The following RNF217 variants were observed in gnomAD, a reference collection of about 807,000 sequenced individuals.
The protein encoded by RNF217 is E3 ubiquitin-protein ligase RNF217.
A neutral mutation model predicts 57.8 loss-of-function variants in RNF217; 31 were observed. The observed-to-expected ratio is 0.54, with a 90% CI of 0.40 to 0.72. The LOEUF is 0.72. RNF217 is among the 30% of genes least tolerant of loss of function. The probability of loss-of-function intolerance (pLI) is 0.00; values close to 1 mark genes in which losing one functional copy is unlikely to be tolerated. For synonymous variants in RNF217, 313 were observed against 294.0 expected (o/e 1.06, Z -0.66); for missense variants, 696 against 708.3 (o/e 0.98, Z 0.20).
At chr6:125,023,433 AAGAGTGCTCCAGAGAAGAGG>A (rs1367400913) in intron 1 of RNF217, among the ~76,000 whole-genome samples, 1 of 152,184 alleles carries the variant, frequency 6.6e-6, no homozygotes, top group African/African-American at 2.4e-5. Flanking sequence ...GTGTTGTAAA[AAGAGTGCTCCAGAGAAGAGG>A]GCACCCTTGT....
chr6:125,077,791 G>T lies in RNF217; in HGVS notation c.1483+933G>T, dbSNP rs189710539. Among the ~76,000 whole-genome samples the T allele has an allele frequency of 9.9e-5, 15 of 152,028 alleles. No homozygotes were observed. In the South Asian group the frequency reaches 3.1e-3, roughly 32 times the overall value. ...ACTTTTTATCATCTTCCACATTTCC[G>T]TTTTCCTTCCTACTTTTGCCTAGTT... On this transcript the variant is annotated intron_variant, in intron 4 of 5. Coordinates refer to ENST00000521654, the MANE Select transcript of RNF217 (RefSeq NM_001286398.3).
intron 3 of RNF217, among the ~76,000 whole-genome samples, chr6:125,070,309 T>C (rs1788088360): frequency 6.6e-6 from 1 of 152,224 alleles, no homozygotes; most frequent in African/African-American, 2.4e-5. Context: ...TGTGCTGCTA[T>C]AAACATGTGC....
intron 4 of RNF217, among the ~76,000 whole-genome samples, chr6:125,077,092 A>G (rs887316381): frequency 6.6e-6 from 1 of 152,180 alleles, no homozygotes; most frequent in Non-Finnish European, 1.5e-5. Context: ...AATCACACGC[A>G]GAAATCTGAA....
intron 2 of RNF217, among the ~76,000 whole-genome samples, chr6:125,057,113 A>C (rs1044737534): frequency 6.6e-6 from 1 of 152,206 alleles, no homozygotes; most frequent in African/African-American, 2.4e-5. Context: ...AGGAGTATCC[A>C]TTATTTTAAA....
intron 1 of RNF217, among the ~76,000 whole-genome samples, chr6:125,041,789 G>A (rs1480929341): frequency 6.6e-6 from 1 of 151,790 alleles, no homozygotes; most frequent in East Asian, 1.9e-4. Context: ...GAAACCCCAT[G>A]TTTCCCTCTC....
At chr6:125,017,502 C>G (rs1785656836) in intron 1 of RNF217, among the ~76,000 whole-genome samples, 2 of 152,146 alleles carry the variant, frequency 1.3e-5, no homozygotes, top group Admixed American at 6.5e-5. Context: ...CTATACAAAA[C>G]AAGTGTATGA....
chr6:125,082,871 T>C lies in RNF217; in HGVS notation c.1563T>C (p.Phe521=). 6.2e-7 allele frequency: 1 copy of C among 1,601,584 alleles called. No homozygotes were observed. The highest frequency in any genetic ancestry group is 8.5e-7 in the Non-Finnish European group (1 of 1,174,900). The change falls in exon 6 of 6, where the codon TTT becomes TTC. Residue 521 remains phenylalanine (F), a synonymous_variant. Coordinates refer to ENST00000521654, the MANE Select transcript of RNF217 (RefSeq NM_001286398.3). ...ATTTTTTCTTATCCCTAGGTTTATTTGTATTTCCTATCTATTGCCTTTGTA... is the reference window on the plus strand; with the variant it reads ...ATTTTTTCTTATCCCTAGGTTTATTCGTATTTCCTATCTATTGCCTTTGTA... ...LGAIAVVIGL[F]VFPIYCLCKK... is the part of the protein sequence containing the mutation.
intron 4 of RNF217, among the ~76,000 whole-genome samples, chr6:125,079,525 A>G (rs1181657544): frequency 6.6e-6 from 1 of 152,076 alleles, no homozygotes; most frequent in Non-Finnish European, 1.5e-5. Flanking sequence ...CAGTGTTACT[A>G]GCTGTCAGAG....
chr6:125,075,569 A>G (rs1314050154), intron 3 of RNF217, among the ~76,000 whole-genome samples: 1 of 152,100 alleles, frequency 6.6e-6, no homozygotes, highest in Non-Finnish European at 1.5e-5. Flanking sequence ...GCATGAAGGA[A>G]ACTGCCCCCA....
chr6:125,012,228 C>G (rs184223008), intron 1 of RNF217, among the ~76,000 whole-genome samples: 1 of 152,100 alleles, frequency 6.6e-6, no homozygotes, highest in African/African-American at 2.4e-5. Flanking sequence ...ATATACAATA[C>G]TAAAAATGAA....
intron 1 of RNF217, among the ~76,000 whole-genome samples, chr6:125,021,268 CTTT>C (rs3080911): frequency 4.7e-4 from 61 of 130,290 alleles, no homozygotes; most frequent in East Asian, 1.3e-3. Flanking sequence ...ATGGAAAAAG[CTTT>C]TTTTTTTTTT....
chr6:125,012,896 G>C (rs2114365274), intron 1 of RNF217, among the ~76,000 whole-genome samples: 2 of 152,094 alleles, frequency 1.3e-5, no homozygotes, highest in South Asian at 4.2e-4. Flanking sequence ...TCCTTAAATT[G>C]AAGGTATATT....
chr6:124,994,912 T>G (rs1784691891), intron 1 of RNF217, among the ~76,000 whole-genome samples: 1 of 152,160 alleles, frequency 6.6e-6, no homozygotes, highest in Non-Finnish European at 1.5e-5. Flanking sequence ...AAAGTTGAGG[T>G]ATACTACGAG....
intron 2 of RNF217, among the ~76,000 whole-genome samples, chr6:125,045,707 G>A (rs1787071465): frequency 6.6e-6 from 1 of 152,026 alleles, no homozygotes; most frequent in Non-Finnish European, 1.5e-5. Context: ...GATCTTTAGA[G>A]TAATAATAGT....
chr6:125,068,261 G>A (rs1454586802), intron 3 of RNF217, among the ~76,000 whole-genome samples: 1 of 152,050 alleles, frequency 6.6e-6, no homozygotes, highest in Non-Finnish European at 1.5e-5. Flanking sequence ...TGCTGCAACA[G>A]GGCTAGTGCA....
At chr6:124,992,022 G>T (rs1175781823) in intron 1 of RNF217, among the ~76,000 whole-genome samples, 1 of 152,136 alleles carries the variant, frequency 6.6e-6, no homozygotes, top group African/African-American at 2.4e-5. Context: ...AAATTACAGA[G>T]TATTCCTTCT....
At position 125,084,924 on chromosome 6, in the gene RNF217, G is replaced by T. The variant is rs890480060; in HGVS notation, c.*1987G>T. 2.0e-5 allele frequency: 3 copies of T among 151,876 alleles called. No homozygotes were observed. Among genetic ancestry groups the T allele is most frequent in the Non-Finnish European group, 4.4e-5 (3 of 67,786 alleles). 9.4% of individuals were successfully genotyped at this position (151,876 alleles called of 1,614,324 possible). ...ATTTCTAACCTGTCATAAGAGTAAG[G>T]TTTCGTAAATTCATCTTTCCTGAAC... On this transcript the variant is annotated 3_prime_UTR_variant, in exon 6 of 6. Coordinates refer to ENST00000521654, the MANE Select transcript of RNF217 (RefSeq NM_001286398.3).
At chr6:125,013,367 GT>G (rs1241072923) in intron 1 of RNF217, among the ~76,000 whole-genome samples, 2 of 151,340 alleles carry the variant, frequency 1.3e-5, no homozygotes, top group East Asian at 3.9e-4. Context: ...GTGTGTGTGT[GT>G]GTGTGTGTGT....
At chr6:124,980,286 T>C (rs931498666) in intron 1 of RNF217, among the ~76,000 whole-genome samples, 3 of 152,226 alleles carry the variant, frequency 2.0e-5, no homozygotes, top group African/African-American at 7.2e-5. Context: ...CTCAATAGTT[T>C]GCAATTTGCT....
Sources: gnomAD v4.1 joint callset for allele counts (sites outside exome capture counted in the v4.1 genomes callset) on GRCh38, gnomAD v4.1.1 for gene constraint, MANE v1.5 for transcripts, NCBI Gene and HGNC (gene_info 2026-07-23, HGNC 2026-07-21) for gene names.